Variants in ATP6V0A1 observed in about 807,000 individuals in gnomAD.
ATP6V0A1 encodes ATPase H+ transporting V0 subunit a1.
ATP6V0A1 carries 43 observed loss-of-function variants against 105.4 expected under a neutral mutation model. That is an observed-to-expected ratio of 0.41 (90% CI 0.32 to 0.53). The LOEUF (loss-of-function observed/expected upper bound fraction) is 0.53. ATP6V0A1 is among the 20% of genes least tolerant of loss of function. ATP6V0A1 has a pLI of 0.30. For synonymous variants in ATP6V0A1, 362 were observed against 372.8 expected (o/e 0.97, Z 0.33); for missense variants, 676 against 1,051.1 (o/e 0.64, Z 4.93).
intron 14 of ATP6V0A1, among the ~76,000 whole-genome samples, chr17:42,498,096 C>CAA: frequency 6.6e-6 from 1 of 152,008 alleles, no homozygotes; most frequent in Non-Finnish European, 1.5e-5. Context: ...ACTAAAAATA[C>CAA]AAAATTAGCT....
chr17:42,473,807 C>T (rs1287519854), intron 5 of ATP6V0A1, among the ~76,000 whole-genome samples: 1 of 152,004 alleles, frequency 6.6e-6, no homozygotes, highest in Non-Finnish European at 1.5e-5. Context: ...TATTAATTTT[C>T]TAATGAAAAG....
intron 5 of ATP6V0A1, among the ~76,000 whole-genome samples, chr17:42,476,403 A>C (rs1384665794): frequency 6.6e-6 from 1 of 152,144 alleles, no homozygotes; most frequent in Non-Finnish European, 1.5e-5. Context: ...TGTGGCTGAC[A>C]GGGGTAGAAT....
At chr17:42,501,370 C>G in intron 17 of ATP6V0A1, 66 bp downstream of exon 17, 1 of 1,137,626 alleles carries the variant, frequency 8.8e-7, no homozygotes, top group Non-Finnish European at 1.3e-6. Flanking sequence ...GGCAATTCCC[C>G]AGTGGATATA....
chr17:42,481,673 A>G (rs2089523139), intron 8 of ATP6V0A1, among the ~76,000 whole-genome samples: 1 of 152,166 alleles, frequency 6.6e-6, no homozygotes, highest in African/African-American at 2.4e-5. Flanking sequence ...GTGAGACCCC[A>G]TGTCTATAAA....
At position 42,513,862 on chromosome 17, in the gene ATP6V0A1, T is replaced by C. The variant is rs1220963843; in HGVS notation, c.2132T>C (p.Phe711Ser). 6.2e-7 allele frequency: 1 copy of C among 1,613,648 alleles called. No homozygotes were observed. Among genetic ancestry groups the C allele is most frequent in the Non-Finnish European group, 8.5e-7 (1 of 1,179,664 alleles). The change falls in exon 20 of 22, where the codon TTT becomes TCT. Residue 711 changes from phenylalanine to serine, a missense_variant and splice_region_variant. Around this residue, in one of 3 missense-constraint regions of ATP6V0A1, gnomAD observed 435 missense variants for 642.2 expected, o/e 0.68. Coordinates refer to ENST00000343619, the MANE Select transcript of ATP6V0A1 (RefSeq NM_001130021.3). ...CTCTCTGGTTTCCTCCCACGACAGTTTGACTTTGGGGACACCATGGTCCAC... is the reference window on the plus strand; with the variant it reads ...CTCTCTGGTTTCCTCCCACGACAGTCTGACTTTGGGGACACCATGGTCCAC... ...DADEPSEDEV[F>S]DFGDTMVHQA...
At chr17:42,462,387 T>C (rs2086526387) in intron 2 of ATP6V0A1, among the ~76,000 whole-genome samples, 1 of 152,066 alleles carries the variant, frequency 6.6e-6, no homozygotes, top group South Asian at 2.1e-4. Flanking sequence ...TTGTTTTGCT[T>C]TTATTTCTCC....
intron 16 of ATP6V0A1, 24 bp from the exon 17 acceptor site, chr17:42,501,173 C>T (rs767137589): frequency 5.1e-6 from 8 of 1,575,454 alleles, no homozygotes; most frequent in Middle Eastern, 1.7e-4. Context: ...TATGATGTAC[C>T]TTGTCCTTCT....
chr17:42,509,331 A>C (rs1253018305), intron 19 of ATP6V0A1, among the ~76,000 whole-genome samples: 2 of 150,606 alleles, frequency 1.3e-5, no homozygotes, highest in Non-Finnish European at 3.0e-5. Context: ...AGCAACATAC[A>C]CTCTTTAAAC....
At chr17:42,509,514 C>T (rs2092238322) in intron 19 of ATP6V0A1, among the ~76,000 whole-genome samples, 2 of 152,208 alleles carry the variant, frequency 1.3e-5, no homozygotes, top group African/African-American at 4.8e-5. Flanking sequence ...CAGGTAGGGC[C>T]TGCTCTTCCT....
At chr17:42,459,627 G>A (rs898986638) in intron 1 of ATP6V0A1, among the ~76,000 whole-genome samples, 26 of 152,152 alleles carry the variant, frequency 1.7e-4, no homozygotes, top group Admixed American at 7.9e-4. Flanking sequence ...TGCTGACCAG[G>A]CCTAATTTTA....
chr17:42,516,510 C>G (rs1302472301), intron 21 of ATP6V0A1, among the ~76,000 whole-genome samples: 1 of 152,186 alleles, frequency 6.6e-6, no homozygotes, highest in Non-Finnish European at 1.5e-5. Context: ...CCTCAGTGCA[C>G]GAGAACCTCT....
chr17:42,519,943 C>T (rs11869769), intron 21 of ATP6V0A1: 6,006 of 161,462 alleles, frequency 0.037, 403 homozygotes, highest in African/African-American at 0.14. Flanking sequence ...AGTCTGTAAC[C>T]TTTGGGCCCC....
At chr17:42,505,840 T>G (rs1466539140) in intron 17 of ATP6V0A1, among the ~76,000 whole-genome samples, 1 of 150,884 alleles carries the variant, frequency 6.6e-6, no homozygotes, top group Non-Finnish European at 1.5e-5. Flanking sequence ...CAAGATGGAG[T>G]GCAGTGGTAT....
intron 21 of ATP6V0A1, 45 bp from the exon 22 acceptor site, chr17:42,520,982 A>G: frequency 6.6e-7 from 1 of 1,515,940 alleles, no homozygotes. Flanking sequence ...AAAAAGCTTC[A>G]CAAAGTTTCT....
chr17:42,488,568 C>T (rs1008731839), intron 10 of ATP6V0A1, among the ~76,000 whole-genome samples: 3 of 152,006 alleles, frequency 2.0e-5, no homozygotes, highest in Non-Finnish European at 4.4e-5. Flanking sequence ...AACTCCTGGG[C>T]TTAAGCAATC....
intron 10 of ATP6V0A1, 98 bp from the exon 11 acceptor site, chr17:42,490,389 T>C (rs2090513742): frequency 1.9e-6 from 2 of 1,048,166 alleles, no homozygotes; most frequent in African/African-American, 1.7e-5. Context: ...ACATTTTATG[T>C]GTACCATTTG....
chr17:42,520,960 C>T (rs946273954), intron 21 of ATP6V0A1, 67 bp from the exon 22 acceptor site: 2 of 1,396,446 alleles, frequency 1.4e-6, no homozygotes, highest in African/African-American at 2.9e-5. Context: ...TCCTGCCCAA[C>T]TGTGAAGTCC....
At chr17:42,469,589 G>T (rs919544365) in intron 4 of ATP6V0A1, among the ~76,000 whole-genome samples, 1 of 152,036 alleles carries the variant, frequency 6.6e-6, no homozygotes, top group Non-Finnish European at 1.5e-5. Flanking sequence ...ACCCACCTCA[G>T]ACTCCCTAAG....
At chr17:42,491,001 A>G (rs961942969) in intron 11 of ATP6V0A1, among the ~76,000 whole-genome samples, 1 of 152,194 alleles carries the variant, frequency 6.6e-6, no homozygotes. Context: ...CTGGGACTAC[A>G]GGCATGTGTC....
Sources: allele counts gnomAD v4.1 joint callset (sites outside exome capture counted in the v4.1 genomes callset), GRCh38; gene constraint gnomAD v4.1.1; regional missense constraint gnomAD v4.1.1; transcripts MANE v1.5; gene names NCBI Gene and HGNC (gene_info 2026-07-23, HGNC 2026-07-21).